DNAAF4: variants seen among roughly 807,000 people sequenced by gnomAD.
DNAAF4 encodes the protein dynein axonemal assembly factor 4, also known as dynein assembly factor 4, axonemal.
A neutral mutation model predicts 51.8 loss-of-function variants in DNAAF4; 43 were observed. That is an observed-to-expected ratio of 0.83 (90% confidence interval 0.65 to 1.07). DNAAF4 has a LOEUF of 1.07. DNAAF4 is among the 50% of genes least tolerant of loss of function. DNAAF4 has a pLI of 0.00. For missense variants in DNAAF4, 581 were observed against 493.0 expected, an observed-to-expected ratio of 1.18 and a Z score of -1.69; for synonymous variants, 194 against 165.6, an observed-to-expected ratio of 1.17 and a Z score of -1.32.
At position 55,463,520 on chromosome 15, in the gene DNAAF4, C is replaced by T. The variant is rs566356007; in HGVS notation, c.637+3410G>A. On this transcript the variant is annotated intron_variant, in intron 5 of 9. Transcript: ENST00000321149. Reference sequence around the variant, plus strand: ...TGTCATTGTTGGCCAATGATATGATCGTATACCTAGAAAATCCTAAAGATT... The same window carrying T: ...TGTCATTGTTGGCCAATGATATGATTGTATACCTAGAAAATCCTAAAGATT... 8.5e-5 allele frequency among the ~76,000 whole-genome samples: 13 copies of T among 152,088 alleles called. No homozygotes were observed. In the South Asian group the frequency reaches 2.5e-3, roughly 29 times the overall value.
At chr15:55,420,415 A>G (rs550381208) in intron 7 of DNAAF4, among the ~76,000 whole-genome samples, 5 of 102,006 alleles carry the variant, frequency 4.9e-5, no homozygotes, top group Admixed American at 3.4e-4. Flanking sequence ...ATCTTTCTGG[A>G]AAAAAAAAAA....
chr15:55,476,207 G>A (rs778172880), intron 4 of DNAAF4, among the ~76,000 whole-genome samples: 1 of 152,262 alleles, frequency 6.6e-6, no homozygotes, highest in East Asian at 1.9e-4. Context: ...GCTCGCACCT[G>A]CAATCCCAGG....
In DNAAF4 at chr15:55,432,594, T is replaced by C. The variant is rs2057513673; in HGVS notation, c.1056A>G (p.Glu352=). 1 of 1,608,682 alleles carries C rather than the reference T, an allele frequency of 6.2e-7. No individual in the cohort carries two copies. The highest frequency in any genetic ancestry group is 8.5e-7 in the Non-Finnish European group (1 of 1,176,856). ...KAIEDSSKAL[E]LLMPPVTDNA... is the part of the protein sequence containing the mutation. The stretch of plus-strand genomic sequence containing the variant: ...TGTCTGTAACAGGTGGCATCAATAA[T>C]TCCAGTGCCTTACAAAATATATATA... Residue 352 remains glutamate (E), a synonymous_variant, in exon 9 of 10, where the codon GAA becomes GAG. Coordinates refer to ENST00000321149, the MANE Select transcript of DNAAF4 (RefSeq NM_130810.4).
intron 5 of DNAAF4, among the ~76,000 whole-genome samples, chr15:55,460,914 G>A (rs530219999): frequency 4.0e-5 from 6 of 150,684 alleles, no homozygotes; most frequent in Non-Finnish European, 5.9e-5. Context: ...ACAGGCCCCC[G>A]CCACCACACC....
intron 6 of DNAAF4, chr15:55,443,062 T>A (rs2057739506): frequency 1.2e-6 from 2 of 1,611,012 alleles, no homozygotes; most frequent in Middle Eastern, 1.7e-4. Flanking sequence ...TTTCATAAGC[T>A]TTGGGTCAAG....
intron 7 of DNAAF4, among the ~76,000 whole-genome samples, chr15:55,423,640 G>A (rs932832038): frequency 1.3e-5 from 2 of 152,150 alleles, no homozygotes; most frequent in Non-Finnish European, 2.9e-5. Context: ...AGTCATGTTA[G>A]TCCTTAATAT....
At position 55,482,085 on chromosome 15, in the gene DNAAF4, C is replaced by T. The variant is rs187606370; in HGVS notation, c.405+9038G>A. Among the ~76,000 whole-genome samples the T allele has an allele frequency of 3.3e-3, 500 of 152,338 alleles. 1 individual carries two copies. Among genetic ancestry groups the T allele is most frequent in the Non-Finnish European group, 4.9e-3 (334 of 68,022 alleles). On this transcript the variant is annotated intron_variant, in intron 4 of 9. Transcript: ENST00000321149. Reference sequence around the variant, plus strand: ...TTACACTCTGTGGAGTGTACTTTTGCTTCAGTAAACCTGCACTTTCGTTGT... The same window carrying T: ...TTACACTCTGTGGAGTGTACTTTTGTTTCAGTAAACCTGCACTTTCGTTGT...
At chr15:55,433,878 C>CAT (rs1311789977) in intron 8 of DNAAF4, among the ~76,000 whole-genome samples, 1 of 15,000 alleles carries the variant, frequency 6.7e-5, no homozygotes, top group African/African-American at 3.4e-4. Flanking sequence ...ATATATATTA[C>CAT]ATATATTATA....
intron 4 of DNAAF4, among the ~76,000 whole-genome samples, chr15:55,469,713 A>C (rs1325226566): frequency 1.3e-5 from 2 of 151,398 alleles, no homozygotes; most frequent in African/African-American, 4.9e-5. Context: ...GATGGTCTCG[A>C]TCTCCTGACC....
chr15:55,468,634 C>G lies in DNAAF4; in HGVS notation c.406-1473G>C, dbSNP rs542152082. Among the ~76,000 whole-genome samples the G allele has an allele frequency of 1.6e-4, 25 of 152,210 alleles. 1 individual carries two copies. Among genetic ancestry groups the G allele is most frequent in the African/African-American group, 6.0e-4 (25 of 41,522 alleles). ...ATGTCTGCCTTTTTTCACTCTCTGC[C>G]CCAACACATGAAAAAGGGAGAATAT... On this transcript the variant is annotated intron_variant, in intron 4 of 9. Transcript: ENST00000321149.
intron 4 of DNAAF4, among the ~76,000 whole-genome samples, chr15:55,485,615 G>A (rs572281214): frequency 9.9e-5 from 15 of 151,888 alleles, no homozygotes; most frequent in East Asian, 3.9e-4. Flanking sequence ...CCATTGAAGC[G>A]GAAAACAAAA....
intron 4 of DNAAF4, among the ~76,000 whole-genome samples, chr15:55,476,518 A>T (rs1415239933): frequency 6.6e-6 from 1 of 152,210 alleles, no homozygotes; most frequent in Non-Finnish European, 1.5e-5. Flanking sequence ...AGAAAGAATG[A>T]AGAGTATGAG....
At chr15:55,465,166 G>A (rs1420508766) in intron 5 of DNAAF4, among the ~76,000 whole-genome samples, 1 of 152,092 alleles carries the variant, frequency 6.6e-6, no homozygotes, top group African/African-American at 2.4e-5. Context: ...ATGTAAACTA[G>A]TACAACTACT....
chr15:55,485,043 C>T (rs576565328), intron 4 of DNAAF4, among the ~76,000 whole-genome samples: 1 of 152,182 alleles, frequency 6.6e-6, no homozygotes, highest in Non-Finnish European at 1.5e-5. Context: ...CAGTATTAAC[C>T]ATCACATCAT....
rs180877723 is a variant in DNAAF4, at chr15:55,444,377, G to A, written c.784-4796C>T. 3.2e-3 allele frequency among the ~76,000 whole-genome samples: 485 copies of A among 152,110 alleles called. 2 individuals are homozygous for A. The highest frequency in any genetic ancestry group is 5.5e-3 in the Non-Finnish European group (372 of 67,996). ...GTAGATGTGTGGTATTATTTCTGAG[G>A]GCTCTGTTCTGTTCCATTGGTCTAT... On this transcript the variant is annotated intron_variant, in intron 6 of 9. Coordinates refer to ENST00000321149, the MANE Select transcript of DNAAF4 (RefSeq NM_130810.4).
chr15:55,467,413 C>G (rs902924912), intron 4 of DNAAF4, among the ~76,000 whole-genome samples: 2 of 152,078 alleles, frequency 1.3e-5, no homozygotes, highest in African/African-American at 4.8e-5. Flanking sequence ...CTTAGGCAAT[C>G]ACTTTCTCCA....
At chr15:55,455,742 T>G (rs1476181662) in intron 5 of DNAAF4, among the ~76,000 whole-genome samples, 1 of 152,074 alleles carries the variant, frequency 6.6e-6, no homozygotes, top group Non-Finnish European at 1.5e-5. Context: ...TCTAAATGAC[T>G]TTTCAATATG....
At chr15:55,428,482 T>C (rs959939376), downstream of DNAAF4, among the ~76,000 whole-genome samples, 2 of 138,296 alleles carry the variant, frequency 1.4e-5, no homozygotes, top group African/African-American at 5.7e-5. Context: ...TGTCTTTTTT[T>C]TCTTTTTTTT....
intron 5 of DNAAF4, among the ~76,000 whole-genome samples, chr15:55,463,775 A>G (rs950316211): frequency 1.3e-5 from 2 of 152,128 alleles, no homozygotes; most frequent in Admixed American, 6.6e-5. Flanking sequence ...CTCACAAGGA[A>G]AACTACAAAA....
Sources: allele counts gnomAD v4.1 joint callset (sites outside exome capture counted in the v4.1 genomes callset), GRCh38; gene constraint gnomAD v4.1.1; transcripts MANE v1.5; gene names NCBI Gene and HGNC (gene_info 2026-07-23, HGNC 2026-07-21).